TBC1D19: variants seen among roughly 807,000 people sequenced by gnomAD.
TBC1D19 encodes TBC1 domain family, member 19.
TBC1D19 carries 60 observed loss-of-function variants against 89.0 expected under a neutral mutation model. The observed-to-expected ratio is 0.67, with a 90% CI of 0.55 to 0.84. The LOEUF is 0.84. TBC1D19 is among the 40% of genes least tolerant of loss of function. TBC1D19 has a pLI of 0.00. For missense variants in TBC1D19, 500 were observed against 610.8 expected (o/e 0.82, Z 1.91); for synonymous variants, 189 against 199.7 (o/e 0.95, Z 0.45).
intron 1 of TBC1D19, among the ~76,000 whole-genome samples, chr4:26,611,292 T>A (rs1741366145): frequency 1.3e-5 from 2 of 152,284 alleles, no homozygotes; most frequent in Middle Eastern, 3.4e-3. Flanking sequence ...TGCCTATTTT[T>A]AAAATGTCTT....
At chr4:26,763,384 A>G in the TBC1D19 span, among the ~76,000 whole-genome samples, 1 of 152,232 alleles carries the variant, frequency 6.6e-6, no homozygotes, top group African/African-American at 2.4e-5. Flanking sequence ...GAAGCCCACT[A>G]GCTAAAAGCT....
At chr4:26,613,060 A>G in intron 1 of TBC1D19, 109 bp from the exon 2 acceptor site, 1 of 780,280 alleles carries the variant, frequency 1.3e-6, no homozygotes, top group South Asian at 1.8e-5. Context: ...TACATTTTTG[A>G]ACACTCCTTT....
At chr4:26,825,487 T>A in the TBC1D19 span, among the ~76,000 whole-genome samples, 1 of 152,214 alleles carries the variant, frequency 6.6e-6, no homozygotes, top group South Asian at 2.1e-4. Context: ...TTCAATGACA[T>A]TTTCTTTAAT....
At chr4:26,795,029 G>A in the TBC1D19 span, among the ~76,000 whole-genome samples, 4 of 152,108 alleles carry the variant, frequency 2.6e-5, no homozygotes, top group Non-Finnish European at 4.4e-5. Flanking sequence ...CTTTCAATCC[G>A]TAAGTCAGAT....
chr4:26,801,916 T>C, the TBC1D19 span, among the ~76,000 whole-genome samples: 1 of 152,168 alleles, frequency 6.6e-6, no homozygotes, highest in Non-Finnish European at 1.5e-5. Context: ...ATTGATAATC[T>C]TTACTGCTAA....
At chr4:26,832,098 C>T in the TBC1D19 span, among the ~76,000 whole-genome samples, 2 of 152,198 alleles carry the variant, frequency 1.3e-5, no homozygotes, top group African/African-American at 4.8e-5. Flanking sequence ...TGATGTTAAA[C>T]ACCTAACAGT....
the TBC1D19 span, among the ~76,000 whole-genome samples, chr4:26,840,764 G>A: frequency 6.6e-6 from 1 of 152,114 alleles, no homozygotes; most frequent in African/African-American, 2.4e-5. Context: ...AAATTCTTAC[G>A]TTATCTCTGA....
intron 16 of TBC1D19, among the ~76,000 whole-genome samples, chr4:26,737,298 C>G (rs924117862): frequency 1.3e-5 from 2 of 151,876 alleles, no homozygotes; most frequent in Non-Finnish European, 2.9e-5. Flanking sequence ...GCGTATTTAT[C>G]TTATATATGT....
At chr4:26,740,963 A>G (rs1718332357) in intron 17 of TBC1D19, 1 of 985,250 alleles carries the variant, frequency 1.0e-6, no homozygotes, top group Non-Finnish European at 1.2e-6. Flanking sequence ...AACACCAGTT[A>G]TCCTGGGTTT....
rs1308338868 is a variant in TBC1D19 at position 26,720,113 on chromosome 4, T to C, written c.1072T>C (p.Tyr358His). The C allele has an allele frequency of 1.9e-6, 3 of 1,603,866 alleles. No individual in the cohort carries two copies. The African/African-American group carries it at 4.0e-5, about 22-fold the overall frequency. The change falls in exon 15 of 21, where the codon TAC becomes CAC. Residue 358 changes from tyrosine (Y) to histidine (H), a missense_variant. Around this residue, in one of 2 missense-constraint regions of TBC1D19, gnomAD observed 220 missense variants for 319.1 expected, o/e 0.69. Coordinates refer to ENST00000264866, the MANE Select transcript of TBC1D19 (RefSeq NM_018317.4). ...AGGACTGGAAGAATATGCTGTCTTTTACCCACCAAATGGTAAGAGTAATGC... is the reference window on the plus strand; with the variant it reads ...AGGACTGGAAGAATATGCTGTCTTTCACCCACCAAATGGTAAGAGTAATGC... ...KLGLEEYAVFYPPNGVIPFHG... is the reference protein window; with the variant it reads ...KLGLEEYAVFHPPNGVIPFHG...
At chr4:26,702,071 G>A (rs1489752140) in intron 13 of TBC1D19, among the ~76,000 whole-genome samples, 1 of 152,138 alleles carries the variant, frequency 6.6e-6, no homozygotes, top group Non-Finnish European at 1.5e-5. Flanking sequence ...GGCTTGACAG[G>A]TAATAAATCT....
At chr4:26,830,266 G>T in the TBC1D19 span, among the ~76,000 whole-genome samples, 2 of 152,174 alleles carry the variant, frequency 1.3e-5, no homozygotes, top group East Asian at 3.9e-4. Flanking sequence ...GAATGACCAG[G>T]ACTCTTGAGC....
chr4:26,696,485 A>C (rs1454028772), intron 13 of TBC1D19, among the ~76,000 whole-genome samples: 10 of 152,190 alleles, frequency 6.6e-5, no homozygotes, highest in Admixed American at 6.5e-4. Flanking sequence ...CAGGAATTGA[A>C]CTCAGCTCTG....
chr4:26,595,458 A>G (rs996331194), intron 1 of TBC1D19, among the ~76,000 whole-genome samples: 3 of 152,094 alleles, frequency 2.0e-5, no homozygotes, highest in African/African-American at 7.2e-5. Flanking sequence ...TGGATTGTGC[A>G]TTTGGTATTG....
rs182405713 is a variant in TBC1D19 at position 26,695,559 on chromosome 4, G to A, written c.954+7152G>A. Among the ~76,000 whole-genome samples, 709 of 152,120 alleles carry A rather than the reference G, an allele frequency of 4.7e-3. 4 individuals are homozygous for A. The highest frequency in any genetic ancestry group is 8.5e-3 in the South Asian group (41 of 4,806). On this transcript the variant is annotated intron_variant, in intron 13 of 20. Coordinates refer to ENST00000264866, the MANE Select transcript of TBC1D19 (RefSeq NM_018317.4). ...AGCAACCCCAAGACACATAATTGTCGGACTCATCAAGTTGAAGTGAAGGAA... is the reference window on the plus strand; with the variant it reads ...AGCAACCCCAAGACACATAATTGTCAGACTCATCAAGTTGAAGTGAAGGAA...
At chr4:26,824,519 A>G in the TBC1D19 span, among the ~76,000 whole-genome samples, 2 of 152,242 alleles carry the variant, frequency 1.3e-5, no homozygotes, top group Admixed American at 6.5e-5. Context: ...TTGTAGTCCT[A>G]TGACTCTGAA....
chr4:26,817,981 A>ATATATAT, the TBC1D19 span, among the ~76,000 whole-genome samples: 43 of 126,040 alleles, frequency 3.4e-4, no homozygotes, highest in African/African-American at 1.5e-3. Flanking sequence ...AAAAAAAAAA[A>ATATATAT]ATATATATAT....
chr4:26,799,515 TC>T, the TBC1D19 span, among the ~76,000 whole-genome samples: 2 of 152,070 alleles, frequency 1.3e-5, no homozygotes, highest in African/African-American at 4.8e-5. Flanking sequence ...ATTTTAAGTG[TC>T]CCCCCAAAAT....
chr4:26,854,591 G>A, the TBC1D19 span, among the ~76,000 whole-genome samples: 30 of 152,298 alleles, frequency 2.0e-4, no homozygotes, highest in South Asian at 5.8e-3. Flanking sequence ...AATCTTCCTT[G>A]GAGCGTGACT....
Sources: gnomAD v4.1 joint callset for allele counts (sites outside exome capture counted in the v4.1 genomes callset) on GRCh38, gnomAD v4.1.1 for gene constraint, gnomAD v4.1.1 regional missense constraint, MANE v1.5 for transcripts, NCBI Gene and HGNC (gene_info 2026-07-23, HGNC 2026-07-21) for gene names.